Variants in SNCAIP observed in about 807,000 individuals in gnomAD.
SNCAIP encodes the protein synphilin-1.
SNCAIP carries 43 observed loss-of-function variants against 86.7 expected under a neutral mutation model. The observed-to-expected ratio is 0.50, with a 90% CI of 0.39 to 0.64. SNCAIP has a LOEUF of 0.64. Among genes scored for constraint, SNCAIP ranks in the 30% least tolerant of loss-of-function variants. The pLI is 0.00. For synonymous variants in SNCAIP, 417 were observed against 427.2 expected (o/e 0.98, Z 0.29); for missense variants, 981 against 1,103.1 (o/e 0.89, Z 1.57).
At chr5:122,444,440 G>A in intron 7 of SNCAIP, 123 bp from the exon 8 acceptor site, 1 of 845,006 alleles carries the variant, frequency 1.2e-6, no homozygotes, top group South Asian at 1.4e-5. Context: ...AGGGAGGTGT[G>A]TGATATTGAC....
intron 4 of SNCAIP, 67 bp from the exon 5 acceptor site, chr5:122,425,285 G>T (rs1777131260): frequency 7.7e-7 from 1 of 1,294,040 alleles, no homozygotes; most frequent in Non-Finnish European, 1.1e-6. Context: ...AGTGCCCAGA[G>T]AAAAACTCCT....
intron 1 of SNCAIP, among the ~76,000 whole-genome samples, chr5:122,358,367 C>T (rs1294141780): frequency 8.8e-6 from 1 of 113,936 alleles, no homozygotes; most frequent in East Asian, 2.8e-4. Context: ...CCCCCCACCC[C>T]ACAATAGGCC....
chr5:122,392,399 ACTCT>A lies in SNCAIP; in HGVS notation c.57+1225_57+1228del, dbSNP rs142215304. Among the ~76,000 whole-genome samples the A allele has an allele frequency of 5.4e-4, 79 of 145,040 alleles. 1 individual carries two copies. The highest frequency in any genetic ancestry group is 1.7e-3 in the African/African-American group (68 of 39,604). ...CTACGTGTCTGTCTGTCTGTCTGCC[ACTCT>A]CTCTCTCTCTCTCTCTTTCTGTTTC... On this transcript the variant is annotated intron_variant, in intron 2 of 10. Transcript: ENST00000261368.
At chr5:122,406,683 T>A (rs1360377601) in intron 3 of SNCAIP, among the ~76,000 whole-genome samples, 2 of 152,148 alleles carry the variant, frequency 1.3e-5, no homozygotes, top group Admixed American at 6.5e-5. Flanking sequence ...GCACCCACCA[T>A]GTGAGATGCC....
intron 1 of SNCAIP, among the ~76,000 whole-genome samples, chr5:122,335,043 T>C (rs1341163443): frequency 6.6e-6 from 1 of 152,148 alleles, no homozygotes; most frequent in East Asian, 1.9e-4. Context: ...ATAACTAACA[T>C]AGTTGAAAGG....
chr5:122,406,859 G>A (rs73794601), intron 3 of SNCAIP, among the ~76,000 whole-genome samples: 1,720 of 152,114 alleles, frequency 0.011, 30 homozygotes, highest in African/African-American at 0.037. Context: ...TGCAAGAATA[G>A]ACTAATATGA....
intron 1 of SNCAIP, among the ~76,000 whole-genome samples, chr5:122,317,918 C>G (rs1000314286): frequency 3.9e-5 from 6 of 152,040 alleles, no homozygotes; most frequent in African/African-American, 1.4e-4. Flanking sequence ...CCCAAGTCAC[C>G]TCTACAAATG....
At chr5:122,370,720 CA>C (rs554088076) in intron 1 of SNCAIP, among the ~76,000 whole-genome samples, 7 of 152,134 alleles carry the variant, frequency 4.6e-5, no homozygotes, top group Non-Finnish European at 8.8e-5. Context: ...AAAAATGGCA[CA>C]TATTTTTTGT....
chr5:122,357,749 T>A (rs1317087706), intron 1 of SNCAIP, among the ~76,000 whole-genome samples: 1 of 152,144 alleles, frequency 6.6e-6, no homozygotes, highest in Non-Finnish European at 1.5e-5. Flanking sequence ...CACATGTGGC[T>A]AATTAAATTA....
Position 122,449,903 on chromosome 5 carries a change from A to G in SNCAIP, c.1651A>G (p.Lys551Glu). The G allele has an allele frequency of 1.2e-6, 2 of 1,613,950 alleles. No homozygotes were observed. Among genetic ancestry groups the G allele is most frequent in the Non-Finnish European group, 1.7e-6 (2 of 1,179,840 alleles). Residue 551 changes from lysine (K) to glutamate (E), a missense_variant, in exon 9 of 11, where the codon AAA becomes GAA. Physicochemically the swap from Lys to Glu is moderately conservative, Grantham distance 56. Transcript: ENST00000261368. Reference protein sequence around the residue: ...NQLQQFLEAQKSEGKSLPSSP... With the variant: ...NQLQQFLEAQESEGKSLPSSP... ...ACTCCAACAATTTCTAGAAGCCCAG[A>G]AATCAGAGGGCAAGTCACTCCCTTC...
intron 1 of SNCAIP, among the ~76,000 whole-genome samples, chr5:122,324,652 CAG>C (rs1481697206): frequency 6.6e-6 from 1 of 152,190 alleles, no homozygotes; most frequent in Non-Finnish European, 1.5e-5. Flanking sequence ...TATTTACACT[CAG>C]AACATCCATC....
At chr5:122,382,134 T>C (rs1766969718) in intron 1 of SNCAIP, among the ~76,000 whole-genome samples, 1 of 152,214 alleles carries the variant, frequency 6.6e-6, no homozygotes, top group African/African-American at 2.4e-5. Flanking sequence ...TCCTGAAGAG[T>C]GTTTTCCAAC....
intron 4 of SNCAIP, 51 bp from the exon 5 acceptor site, chr5:122,425,301 G>A: frequency 7.0e-7 from 1 of 1,430,076 alleles, no homozygotes. Flanking sequence ...CTCCTACAGG[G>A]TCTTGCTCTG....
chr5:122,348,750 TA>T (rs1759156481), intron 1 of SNCAIP, among the ~76,000 whole-genome samples: 1 of 151,924 alleles, frequency 6.6e-6, no homozygotes, highest in African/African-American at 2.4e-5. Flanking sequence ...GATGAGGACA[TA>T]AGATGTTTCA....
intron 1 of SNCAIP, among the ~76,000 whole-genome samples, chr5:122,324,894 CT>C (rs1018589960): frequency 2.0e-5 from 3 of 152,178 alleles, no homozygotes; most frequent in African/African-American, 4.8e-5. Flanking sequence ...GTCATTCCCC[CT>C]ATCTCCCAAA....
chr5:122,364,848 G>C (rs1191959524), intron 1 of SNCAIP, among the ~76,000 whole-genome samples: 2 of 151,882 alleles, frequency 1.3e-5, no homozygotes, highest in Admixed American at 1.3e-4. Context: ...CAAGTCACTG[G>C]GCCCTTCTAG....
At chr5:122,408,965 CT>C (rs1424116124) in intron 3 of SNCAIP, among the ~76,000 whole-genome samples, 2 of 152,170 alleles carry the variant, frequency 1.3e-5, no homozygotes, top group Non-Finnish European at 2.9e-5. Flanking sequence ...GGATGTGAAA[CT>C]TGCTCTACAG....
At chr5:122,329,409 A>T (rs1754810285) in intron 1 of SNCAIP, among the ~76,000 whole-genome samples, 1 of 152,232 alleles carries the variant, frequency 6.6e-6, no homozygotes, top group African/African-American at 2.4e-5. Context: ...CCAATATCGA[A>T]ACACTCAAAA....
chr5:122,380,440 C>T (rs9687805), intron 1 of SNCAIP, among the ~76,000 whole-genome samples: 25,512 of 146,446 alleles, frequency 0.17, 3,050 homozygotes, highest in African/African-American at 0.33. Context: ...TTTTTTTCTT[C>T]ATTAGTCTTG....
Sources: allele counts gnomAD v4.1 joint callset (sites outside exome capture counted in the v4.1 genomes callset), GRCh38; gene constraint gnomAD v4.1.1; transcripts MANE v1.5; gene names NCBI Gene and HGNC (gene_info 2026-07-23, HGNC 2026-07-21).